TENM3: variants seen among roughly 807,000 people sequenced by gnomAD.
TENM3 encodes teneurin-3.
A neutral mutation model predicts 255.1 loss-of-function variants in TENM3; 63 were observed. The ratio of observed to expected loss-of-function variants is 0.25; its 90% CI spans 0.20 to 0.30. The LOEUF is 0.30. Ranked by LOEUF, TENM3 falls within the 10% of genes least tolerant of loss-of-function variation. TENM3 has a pLI of 1.00. For synonymous variants in TENM3, 1,306 were observed against 1,322.3 expected (o/e 0.99, Z 0.27); for missense variants, 2,929 against 3,461.1 (o/e 0.85, Z 3.86).
At chr4:182,583,129 G>A (rs916440007) in intron 3 of TENM3, among the ~76,000 whole-genome samples, 4 of 152,198 alleles carry the variant, frequency 2.6e-5, no homozygotes, top group Admixed American at 6.5e-5. Flanking sequence ...GCTAACTCAG[G>A]AGAGCTGTAG....
intron 3 of TENM3, among the ~76,000 whole-genome samples, chr4:182,389,981 G>A (rs554178975): frequency 7.2e-4 from 109 of 152,270 alleles, no homozygotes; most frequent in African/African-American, 2.6e-3. Flanking sequence ...CACCGCGCCC[G>A]GCCCAGTAGA....
At chr4:181,620,232 G>T in the TENM3 span, among the ~76,000 whole-genome samples, 5 of 151,824 alleles carry the variant, frequency 3.3e-5, no homozygotes, top group Non-Finnish European at 7.4e-5. Context: ...CTGCACTCTA[G>T]CCTGGGTGAC....
At chr4:182,493,240 C>T (rs746707457) in intron 3 of TENM3, among the ~76,000 whole-genome samples, 8 of 152,032 alleles carry the variant, frequency 5.3e-5, no homozygotes, top group Non-Finnish European at 1.2e-4. Context: ...GGCCACAGTG[C>T]ATATATGTAG....
chr4:182,172,177 T>TA, intron 1 of TENM3, among the ~76,000 whole-genome samples: 1 of 152,322 alleles, frequency 6.6e-6, no homozygotes, highest in East Asian at 1.9e-4. Flanking sequence ...TCAGTTTTTA[T>TA]AAATTTGAAT....
chr4:182,191,830 G>A (rs1579658057), intron 1 of TENM3, among the ~76,000 whole-genome samples: 1 of 152,120 alleles, frequency 6.6e-6, no homozygotes. Context: ...CAACTAAATC[G>A]TAACTGCATT....
Position 182,774,973 on chromosome 4 carries a change from C to T in TENM3, c.5124C>T (p.Tyr1708=), listed in dbSNP as rs145946924. The T allele has an allele frequency of 2.8e-3, 4,582 of 1,613,864 alleles. 194 individuals carry two copies. In the Admixed American group the frequency reaches 0.064, roughly 23 times the overall value. Residue 1708 remains tyrosine, a synonymous_variant, in exon 24 of 28, where the codon TAC becomes TAT. Transcript: ENST00000511685. ...ATGACGGCTCCCTCAGAATTATCTA[C>T]GCCAGTGGCCTGGACTCACACTACC... ...IGYDGSLRII[Y]ASGLDSHYQT...
chr4:182,378,678 A>G (rs1335649793), intron 3 of TENM3, among the ~76,000 whole-genome samples: 2 of 152,182 alleles, frequency 1.3e-5, no homozygotes, highest in Non-Finnish European at 2.9e-5. Context: ...ATAACTCATG[A>G]AATAAGGTTG....
At chr4:181,795,144 G>C in the TENM3 span, among the ~76,000 whole-genome samples, 4 of 152,078 alleles carry the variant, frequency 2.6e-5, no homozygotes, top group Admixed American at 6.6e-5. Flanking sequence ...TTGTGTTTTC[G>C]ATGGATGTCT....
At position 182,731,068 on chromosome 4, in the gene TENM3, A is replaced by G. The variant is rs974943908; in HGVS notation, c.2896A>G (p.Ile966Val). 1.9e-6 allele frequency: 3 copies of G among 1,613,748 alleles called. No homozygotes were observed. Among genetic ancestry groups the G allele is most frequent in the Non-Finnish European group, 2.5e-6 (3 of 1,179,814 alleles). The change falls in exon 16 of 28, where the codon ATT becomes GTT. Residue 966 changes from isoleucine (I) to valine (V), a missense_variant. Coordinates refer to ENST00000511685, the MANE Select transcript of TENM3 (RefSeq NM_001080477.4). ...LSGFVRPNPIIVSSPLSTFFR... is the reference protein window; with the variant it reads ...LSGFVRPNPIVVSSPLSTFFR... ...TGGATTCGTGAGGCCAAATCCCATC[A>G]TTGTGTCATCACCTTTATCCACCTT...
At chr4:182,425,863 C>T (rs559327714) in intron 3 of TENM3, among the ~76,000 whole-genome samples, 24 of 152,076 alleles carry the variant, frequency 1.6e-4, no homozygotes, top group African/African-American at 5.5e-4. Context: ...CAAAAACTAG[C>T]CAGACGTCGT....
chr4:181,453,355 A>G, the TENM3 span, among the ~76,000 whole-genome samples: 7 of 152,170 alleles, frequency 4.6e-5, no homozygotes, highest in African/African-American at 7.2e-5. Context: ...TCTGAATTCT[A>G]TATTTCAACG....
the TENM3 span, among the ~76,000 whole-genome samples, chr4:181,884,536 A>G: frequency 1.3e-5 from 2 of 152,120 alleles, no homozygotes; most frequent in Admixed American, 1.3e-4. Flanking sequence ...TGTGTACCTC[A>G]TATAAGTGGA....
At chr4:181,764,628 T>C in the TENM3 span, among the ~76,000 whole-genome samples, 1 of 152,210 alleles carries the variant, frequency 6.6e-6, no homozygotes, top group African/African-American at 2.4e-5. Flanking sequence ...GATAGTGCTT[T>C]CGTATTTGTT....
chr4:182,656,601 A>G (rs1753776149), intron 6 of TENM3, among the ~76,000 whole-genome samples: 1 of 152,166 alleles, frequency 6.6e-6, no homozygotes. Context: ...CTCTTTAGAA[A>G]TTCTAGGAGA....
intron 3 of TENM3, among the ~76,000 whole-genome samples, chr4:182,498,482 G>A (rs1468159245): frequency 6.6e-6 from 1 of 151,886 alleles, no homozygotes; most frequent in Admixed American, 6.6e-5. Context: ...GTACCCAATT[G>A]GGCAGTTTTG....
the TENM3 span, among the ~76,000 whole-genome samples, chr4:181,752,264 T>C: frequency 6.6e-6 from 1 of 152,180 alleles, no homozygotes; most frequent in Admixed American, 6.6e-5. Context: ...GTTTAGATTT[T>C]AAAATGGAAT....
At chr4:182,366,448 T>C (rs1766436252) in intron 3 of TENM3, among the ~76,000 whole-genome samples, 1 of 151,958 alleles carries the variant, frequency 6.6e-6, no homozygotes, top group Admixed American at 6.6e-5. Context: ...TACATTTAAT[T>C]CATCTGAATT....
chr4:181,613,193 G>C, the TENM3 span, among the ~76,000 whole-genome samples: 67 of 152,326 alleles, frequency 4.4e-4, no homozygotes, highest in African/African-American at 1.5e-3. Context: ...AAACACTGCT[G>C]CCTCTAGTTT....
At chr4:181,866,384 GT>G in the TENM3 span, among the ~76,000 whole-genome samples, 3 of 152,280 alleles carry the variant, frequency 2.0e-5, no homozygotes, top group African/African-American at 7.2e-5. Context: ...CGGTTACTTA[GT>G]TTATGTAGAT....
Sources: allele counts gnomAD v4.1 joint callset (sites outside exome capture counted in the v4.1 genomes callset), GRCh38; gene constraint gnomAD v4.1.1; transcripts MANE v1.5; gene names NCBI Gene and HGNC (gene_info 2026-07-23, HGNC 2026-07-21).